ZFYVE9: variants seen among roughly 807,000 people sequenced by gnomAD.
ZFYVE9 encodes the protein zinc finger FYVE-type containing 9, also known as zinc finger FYVE domain-containing protein 9.
Under a neutral mutation model 126.7 loss-of-function variants are expected in ZFYVE9, and 43 were observed. That is an observed-to-expected ratio of 0.34 (90% confidence interval 0.27 to 0.44). The LOEUF (loss-of-function observed/expected upper bound fraction) is 0.44, where lower values mean the gene tolerates loss of function less well. Among genes scored for constraint, ZFYVE9 ranks in the 20% least tolerant of loss-of-function variants. The pLI is 1.00. For synonymous variants in ZFYVE9, 521 were observed against 597.4 expected (o/e 0.87, Z 1.87); for missense variants, 1,476 against 1,697.0 (o/e 0.87, Z 2.29).
intron 10 of ZFYVE9, among the ~76,000 whole-genome samples, chr1:52,287,059 C>T (rs191379254): frequency 4.3e-4 from 65 of 152,196 alleles, no homozygotes; most frequent in Admixed American, 2.9e-3. Flanking sequence ...GTAGTCTCTT[C>T]TGAACTCCCT....
intron 1 of ZFYVE9, among the ~76,000 whole-genome samples, chr1:52,174,451 G>A (rs1427089977): frequency 6.6e-6 from 1 of 152,112 alleles, no homozygotes; most frequent in East Asian, 1.9e-4. Flanking sequence ...GAATAGGTGT[G>A]GTGTGGTGCT....
intron 10 of ZFYVE9, among the ~76,000 whole-genome samples, chr1:52,292,146 G>A (rs968215730): frequency 2.8e-4 from 42 of 151,718 alleles, no homozygotes; most frequent in African/African-American, 1.0e-3. Context: ...GCTGAGTGTG[G>A]TGGTGCATGT....
intron 1 of ZFYVE9, among the ~76,000 whole-genome samples, chr1:52,205,023 C>T (rs936607004): frequency 8.0e-5 from 12 of 150,310 alleles, no homozygotes; most frequent in Non-Finnish European, 1.3e-4. Flanking sequence ...TTTTTGTATT[C>T]ACCTGTCTGT....
Position 52,238,313 on chromosome 1 carries a change from C to G in ZFYVE9, c.896C>G (p.Ser299Cys). 1.2e-6 allele frequency: 2 copies of G among 1,613,818 alleles called. No individual in the cohort carries two copies. Among genetic ancestry groups the G allele is most frequent in the Non-Finnish European group, 1.7e-6 (2 of 1,179,972 alleles). ...GAGGACCTCACTGGCAAAATCAGCT[C>G]TCCTAGGACAGATCTAGGGAGTCCA... ...PDEDLTGKIS[S>C]PRTDLGSPNS... Residue 299 changes from serine (S) to cysteine (C), a missense_variant, in exon 4 of 19, where the codon TCT (serine) becomes TGT (cysteine). By Grantham distance (112) the Ser-to-Cys change is moderately radical. Around this residue, in one of 2 missense-constraint regions of ZFYVE9, gnomAD observed 807 missense variants for 794.6 expected, o/e 1.02. Coordinates refer to ENST00000287727, the MANE Select transcript of ZFYVE9 (RefSeq NM_004799.4).
rs1281867112 is a variant in ZFYVE9, at chr1:52,238,393, G to A, written c.976G>A (p.Glu326Lys). Residue 326 changes from glutamate (E) to lysine (K), a missense_variant, in exon 4 of 19, where the codon GAG becomes AAG. Physicochemically the swap from Glu to Lys is moderately conservative, Grantham distance 56 (BLOSUM62 1). Coordinates refer to ENST00000287727, the MANE Select transcript of ZFYVE9 (RefSeq NM_004799.4). ...GILMKKEPAE[E>K]STTEESLRSG... ...TTTGATGAAAAAAGAGCCAGCAGAG[G>A]AGAGCACCACTGAAGAATCCCTCCG... The A allele has an allele frequency of 6.2e-7, 1 of 1,613,988 alleles. No homozygotes were observed. Among genetic ancestry groups the A allele is most frequent in the Non-Finnish European group, 8.5e-7 (1 of 1,179,972 alleles).
At chr1:52,155,555 G>A (rs910383715) in intron 1 of ZFYVE9, among the ~76,000 whole-genome samples, 9 of 152,108 alleles carry the variant, frequency 5.9e-5, no homozygotes, top group Non-Finnish European at 1.2e-4. Context: ...TTTTCTAATA[G>A]CATGGCCTTC....
chr1:52,318,370 ATGTGTGTGTGTGTGTGTGTGTG>A (rs59683935), intron 13 of ZFYVE9, among the ~76,000 whole-genome samples: 18 of 144,398 alleles, frequency 1.2e-4, no homozygotes, highest in Non-Finnish European at 1.7e-4. Context: ...GCATGATTGT[ATGTGTGTGTGTGTGTGTGTGTG>A]TGTGTGTGTG....
intron 13 of ZFYVE9, among the ~76,000 whole-genome samples, chr1:52,319,505 T>A (rs1042647986): frequency 6.6e-6 from 1 of 151,000 alleles, no homozygotes; most frequent in Admixed American, 6.6e-5. Context: ...ATACCTATAA[T>A]CCCAGCTACT....
At chr1:52,266,298 C>G (rs980847299) in intron 5 of ZFYVE9, among the ~76,000 whole-genome samples, 3 of 150,640 alleles carry the variant, frequency 2.0e-5, no homozygotes, top group African/African-American at 7.3e-5. Flanking sequence ...GGGGTTTCAC[C>G]ACGTTAGCCA....
At chr1:52,283,524 G>A (rs749257540) in intron 10 of ZFYVE9, among the ~76,000 whole-genome samples, 6 of 152,182 alleles carry the variant, frequency 3.9e-5, no homozygotes, top group Non-Finnish European at 7.4e-5. Flanking sequence ...CTGCTCAACA[G>A]TAAAAATGAA....
chr1:52,344,168 C>T (rs1051663283), intron 17 of ZFYVE9, among the ~76,000 whole-genome samples: 1 of 152,244 alleles, frequency 6.6e-6, no homozygotes, highest in Admixed American at 6.5e-5. Flanking sequence ...GTCATCAGTT[C>T]CAAGTGTGTT....
chr1:52,330,135 T>C (rs1569769817), intron 13 of ZFYVE9, among the ~76,000 whole-genome samples: 1 of 152,166 alleles, frequency 6.6e-6, no homozygotes, highest in Non-Finnish European at 1.5e-5. Context: ...TCCCAGCACT[T>C]TGGAAGCCAA....
intron 13 of ZFYVE9, among the ~76,000 whole-genome samples, chr1:52,328,038 T>C (rs1332335290): frequency 1.3e-5 from 2 of 150,710 alleles, no homozygotes; most frequent in African/African-American, 2.4e-5. Flanking sequence ...TGGGAAATGG[T>C]AGGCCATCAG....
intron 1 of ZFYVE9, among the ~76,000 whole-genome samples, chr1:52,151,556 T>G (rs537712101): frequency 6.6e-6 from 1 of 151,324 alleles, no homozygotes; most frequent in East Asian, 1.9e-4. Flanking sequence ...CGCTCTGTCA[T>G]CCAGGCTGGA....
chr1:52,344,725 A>C (rs1376076299), intron 17 of ZFYVE9, 43 bp from the exon 18 acceptor site: 2 of 1,604,882 alleles, frequency 1.2e-6, no homozygotes, highest in Admixed American at 1.7e-5. Flanking sequence ...CTTCTCCCAA[A>C]ATCTAGGCAC....
At chr1:52,316,619 A>T (rs575268084) in intron 13 of ZFYVE9, among the ~76,000 whole-genome samples, 8 of 152,206 alleles carry the variant, frequency 5.3e-5, no homozygotes, top group Non-Finnish European at 8.8e-5. Flanking sequence ...TACCATATTT[A>T]TAAAGGGATC....
intron 1 of ZFYVE9, among the ~76,000 whole-genome samples, chr1:52,200,416 A>G (rs1644912655): frequency 1.3e-5 from 2 of 152,136 alleles, no homozygotes; most frequent in South Asian, 4.1e-4. Flanking sequence ...CCTGAGCTCA[A>G]GCGATCCACC....
intron 1 of ZFYVE9, among the ~76,000 whole-genome samples, chr1:52,156,290 A>G (rs557295158): frequency 6.6e-6 from 1 of 152,306 alleles, no homozygotes; most frequent in African/African-American, 2.4e-5. Context: ...TAGCATGGCA[A>G]TGTGGTCATG....
At position 52,238,308 on chromosome 1, in the gene ZFYVE9, C is replaced by T. The variant is rs746422901; in HGVS notation, c.891C>T (p.Ile297=). ...CAGATGAGGACCTCACTGGCAAAAT[C>T]AGCTCTCCTAGGACAGATCTAGGGA... is the stretch of plus-strand genomic sequence containing the variant. ...YIPDEDLTGK[I]SSPRTDLGSP... Residue 297 remains isoleucine, a synonymous_variant, in exon 4 of 19, where the codon ATC becomes ATT. Coordinates refer to ENST00000287727, the MANE Select transcript of ZFYVE9 (RefSeq NM_004799.4). 1 of 1,613,836 alleles carries T rather than the reference C, an allele frequency of 6.2e-7. No individual in the cohort carries two copies. Among genetic ancestry groups the T allele is most frequent in the East Asian group, 2.2e-5 (1 of 44,888 alleles).
Sources: gnomAD v4.1 joint callset for allele counts (sites outside exome capture counted in the v4.1 genomes callset) on GRCh38, gnomAD v4.1.1 for gene constraint, gnomAD v4.1.1 regional missense constraint, MANE v1.5 for transcripts, NCBI Gene and HGNC (gene_info 2026-07-23, HGNC 2026-07-21) for gene names.